The following ANKRD31 variants were observed in gnomAD, a reference collection of about 807,000 sequenced individuals.
The protein encoded by ANKRD31 is ankyrin repeat domain-containing protein 31.
In ANKRD31, 147 loss-of-function variants were observed where a neutral mutation model predicts 186.0. That is an observed-to-expected ratio of 0.79 (90% CI 0.69 to 0.91). ANKRD31 has a LOEUF of 0.91. ANKRD31 is among the 40% of genes least tolerant of loss of function. The pLI, the probability that ANKRD31 is intolerant of heterozygous loss-of-function variation, is 0.00. For missense variants in ANKRD31, 1,986 were observed against 2,148.8 expected, an observed-to-expected ratio of 0.92 and a Z score of 1.50; for synonymous variants, 673 against 736.4, an observed-to-expected ratio of 0.91 and a Z score of 1.39.
chr5:75,071,766 C>T (rs1412107639), intron 25 of ANKRD31, among the ~76,000 whole-genome samples: 1 of 151,706 alleles, frequency 6.6e-6, no homozygotes, highest in Non-Finnish European at 1.5e-5. Context: ...CCAAAGTGCT[C>T]GGATTACAGG....
chr5:75,184,319 C>T (rs1316661511), intron 10 of ANKRD31, among the ~76,000 whole-genome samples: 1 of 152,100 alleles, frequency 6.6e-6, no homozygotes, highest in East Asian at 1.9e-4. Context: ...AGGAAAAATG[C>T]TTCATGACAC....
chr5:75,207,540 T>G (rs1756335514), intron 4 of ANKRD31, among the ~76,000 whole-genome samples: 1 of 152,110 alleles, frequency 6.6e-6, no homozygotes, highest in African/African-American at 2.4e-5. Context: ...TGAATTATAG[T>G]AAAGTCAGTA....
chr5:75,102,916 C>T (rs575852951), intron 22 of ANKRD31, among the ~76,000 whole-genome samples: 60 of 152,248 alleles, frequency 3.9e-4, no homozygotes, highest in African/African-American at 1.4e-3. Context: ...TCGGCTCACA[C>T]TCTGTGGGCT....
chr5:75,168,824 C>T (rs1474970260), intron 11 of ANKRD31, among the ~76,000 whole-genome samples, 155 bp downstream of exon 11: 2 of 152,080 alleles, frequency 1.3e-5, no homozygotes, highest in Non-Finnish European at 2.9e-5. Context: ...ACAACAAACC[C>T]ATCACACAGT....
intron 11 of ANKRD31, among the ~76,000 whole-genome samples, chr5:75,158,195 T>TA (rs1752324265): frequency 6.6e-6 from 1 of 152,100 alleles, no homozygotes; most frequent in African/African-American, 2.4e-5. Context: ...ACATAGTCTA[T>TA]AAGCCACACC....
At chr5:75,109,703 T>G (rs578035577) in intron 20 of ANKRD31, among the ~76,000 whole-genome samples, 1 of 152,204 alleles carries the variant, frequency 6.6e-6, no homozygotes, top group Non-Finnish European at 1.5e-5. Flanking sequence ...GAGAAGTAAT[T>G]GTCTTCCCTT....
intron 24 of ANKRD31, among the ~76,000 whole-genome samples, chr5:75,083,939 A>G (rs975002312): frequency 3.9e-5 from 6 of 152,260 alleles, no homozygotes; most frequent in Non-Finnish European, 7.3e-5. Flanking sequence ...TTTCATTTAT[A>G]TGATATATTC....
chr5:75,069,516 C>T (rs1216311328), intron 25 of ANKRD31, among the ~76,000 whole-genome samples: 3 of 151,924 alleles, frequency 2.0e-5, no homozygotes, highest in Admixed American at 1.3e-4. Context: ...AGAGAAGTGA[C>T]ATGTAATGAG....
At chr5:75,145,523 TG>T (rs1309596648) in intron 14 of ANKRD31, among the ~76,000 whole-genome samples, 1 of 151,778 alleles carries the variant, frequency 6.6e-6, no homozygotes, top group African/African-American at 2.4e-5. Flanking sequence ...CACTCATAAG[TG>T]GGAATTGAAC....
chr5:75,147,640 C>A (rs1394641247), intron 13 of ANKRD31, 135 bp from the exon 14 acceptor site: 3 of 727,600 alleles, frequency 4.1e-6, no homozygotes, highest in African/African-American at 3.6e-5. Flanking sequence ...ACAGATCCTG[C>A]TGGGATATAG....
chr5:75,118,152 C>T lies in ANKRD31; in HGVS notation c.4022G>A (p.Ser1341Asn), dbSNP rs1219239960. 1 of 1,485,188 alleles carries T rather than the reference C, an allele frequency of 6.7e-7. No individual in the cohort carries two copies. The highest frequency in any genetic ancestry group is 8.9e-7 in the Non-Finnish European group (1 of 1,128,708). The allele number at this position is 1,485,188 out of a possible 1,614,324, so 92.0% of individuals were successfully genotyped here. The change falls in exon 18 of 26, where the codon AGT (serine) becomes AAT (asparagine). Residue 1341 changes from serine (S) to asparagine (N), a missense_variant. Ser to Asn is a conservative substitution (Grantham distance 46, BLOSUM62 1). Transcript: ENST00000506364. ...GAIETVNRDE[S>N]DAIVNEKIPA... ...ATACATACCATTGACTATAGCATCA[C>T]TCTCATCTCTATTAACAGTCTCAAT...
intron 25 of ANKRD31, among the ~76,000 whole-genome samples, chr5:75,072,571 G>A (rs1248111073): frequency 6.6e-6 from 1 of 152,158 alleles, no homozygotes; most frequent in Non-Finnish European, 1.5e-5. Context: ...ATCTTTGTGT[G>A]TTGAAACCAC....
intron 22 of ANKRD31, among the ~76,000 whole-genome samples, chr5:75,095,461 G>A (rs1377817505): frequency 7.0e-6 from 1 of 142,796 alleles, no homozygotes; most frequent in Admixed American, 6.9e-5. Flanking sequence ...GCCACAGAGC[G>A]AGACTCCGTC....
chr5:75,101,324 G>A (rs1356895252), intron 22 of ANKRD31, among the ~76,000 whole-genome samples: 1 of 152,096 alleles, frequency 6.6e-6, no homozygotes, highest in African/African-American at 2.4e-5. Context: ...CCCTTTGTGG[G>A]TAACTTGACC....
intron 10 of ANKRD31, among the ~76,000 whole-genome samples, chr5:75,177,137 T>C (rs539928573): frequency 3.5e-4 from 54 of 152,250 alleles, no homozygotes; most frequent in Admixed American, 1.0e-3. Context: ...GTATCAGCGA[T>C]GGAAGACGAA....
At chr5:75,160,229 C>T (rs540819801) in intron 11 of ANKRD31, among the ~76,000 whole-genome samples, 32 of 151,814 alleles carry the variant, frequency 2.1e-4, no homozygotes, top group African/African-American at 3.6e-4. Context: ...TTTTGTTATA[C>T]GGAAACAATG....
At chr5:75,231,713 A>G (rs1324278583) in intron 1 of ANKRD31, among the ~76,000 whole-genome samples, 1 of 152,210 alleles carries the variant, frequency 6.6e-6, no homozygotes, top group African/African-American at 2.4e-5. Context: ...ATACCACTTC[A>G]TACTCATTAG....
chr5:75,074,166 A>G (rs768363141), intron 25 of ANKRD31, among the ~76,000 whole-genome samples: 1 of 152,214 alleles, frequency 6.6e-6, no homozygotes, highest in Non-Finnish European at 1.5e-5. Flanking sequence ...GGGTAAACCC[A>G]TGGAAATGAA....
chr5:75,212,317 T>C (rs1448531708), intron 3 of ANKRD31, among the ~76,000 whole-genome samples: 4 of 152,112 alleles, frequency 2.6e-5, no homozygotes, highest in African/African-American at 9.7e-5. Context: ...GTTACAGTGT[T>C]AAATACTAAA....
Sources: gnomAD v4.1 joint callset for allele counts (sites outside exome capture counted in the v4.1 genomes callset) on GRCh38, gnomAD v4.1.1 for gene constraint, MANE v1.5 for transcripts, NCBI Gene and HGNC (gene_info 2026-07-23, HGNC 2026-07-21) for gene names.